The following CNTN3 variants were observed in gnomAD, a reference collection of about 807,000 sequenced individuals.
CNTN3 encodes contactin-3.
In CNTN3, 60 loss-of-function variants were observed where a neutral mutation model predicts 119.1. The observed-to-expected ratio is 0.50, with a 90% CI of 0.41 to 0.62. The LOEUF (loss-of-function observed/expected upper bound fraction) is 0.62. CNTN3 is among the 20% of genes least tolerant of loss of function. The pLI, the probability that CNTN3 is intolerant of heterozygous loss-of-function variation, is 0.00. For synonymous variants in CNTN3, 450 were observed against 438.7 expected, an observed-to-expected ratio of 1.03 and a Z score of -0.32; for missense variants, 1,101 against 1,242.4, an observed-to-expected ratio of 0.89 and a Z score of 1.71.
chr3:74,271,983 T>C (rs1486694041), intron 20 of CNTN3, among the ~76,000 whole-genome samples: 4 of 152,144 alleles, frequency 2.6e-5, no homozygotes, highest in African/African-American at 4.8e-5. Flanking sequence ...TGATTTTTGG[T>C]TTTCGACGTC....
chr3:74,333,219 C>T (rs1703308198), intron 13 of CNTN3, among the ~76,000 whole-genome samples: 1 of 152,220 alleles, frequency 6.6e-6, no homozygotes, highest in Admixed American at 6.5e-5. Flanking sequence ...ATCTAAACGT[C>T]TCAATTTCTC....
intron 5 of CNTN3, among the ~76,000 whole-genome samples, chr3:74,396,617 G>A (rs1017386637): frequency 4.6e-5 from 7 of 151,962 alleles, no homozygotes; most frequent in African/African-American, 1.7e-4. Flanking sequence ...GTCATGGTGG[G>A]CACCTGTAGT....
chr3:74,545,364 A>G (rs1033476151), intron 1 of CNTN3, among the ~76,000 whole-genome samples: 4 of 152,118 alleles, frequency 2.6e-5, no homozygotes. Context: ...ATCCTCCTCA[A>G]TCGTTAAGAC....
intron 11 of CNTN3, 149 bp from the exon 12 acceptor site, chr3:74,336,807 A>G (rs1703406276): frequency 3.6e-6 from 2 of 558,744 alleles, no homozygotes; most frequent in Non-Finnish European, 6.0e-6. Flanking sequence ...TACAAAAAAA[A>G]AAAAAGAAAA....
intron 1 of CNTN3, among the ~76,000 whole-genome samples, chr3:74,542,050 T>C (rs1041579154): frequency 2.6e-5 from 4 of 152,010 alleles, no homozygotes; most frequent in African/African-American, 9.7e-5. Flanking sequence ...CTGGACAACA[T>C]AGCAAGACTC....
intron 1 of CNTN3, among the ~76,000 whole-genome samples, chr3:74,559,237 A>C (rs1249729463): frequency 6.6e-6 from 1 of 152,186 alleles, no homozygotes; most frequent in Non-Finnish European, 1.5e-5. Context: ...TGAGGAAGGC[A>C]GATGAAAAGT....
chr3:74,458,689 A>T (rs1020321533), intron 4 of CNTN3, among the ~76,000 whole-genome samples: 1 of 152,050 alleles, frequency 6.6e-6, no homozygotes, highest in African/African-American at 2.4e-5. Flanking sequence ...AAGGTAAGGG[A>T]TAGGAGAGGT....
chr3:74,488,139 T>C (rs1702893024), intron 3 of CNTN3, among the ~76,000 whole-genome samples: 2 of 151,532 alleles, frequency 1.3e-5, no homozygotes, highest in Admixed American at 6.6e-5. Context: ...TGAGACAGAG[T>C]CTCCCTCTGT....
chr3:74,510,733 G>A (rs1703350021), intron 2 of CNTN3, among the ~76,000 whole-genome samples: 1 of 151,964 alleles, frequency 6.6e-6, no homozygotes, highest in South Asian at 2.1e-4. Flanking sequence ...GTATCTTTTG[G>A]CAAAATATCC....
At chr3:74,480,060 A>C (rs1702735889) in intron 4 of CNTN3, among the ~76,000 whole-genome samples, 2 of 152,144 alleles carry the variant, frequency 1.3e-5, no homozygotes, top group Non-Finnish European at 1.5e-5. Context: ...AGTCATAGTG[A>C]TGTAAACACT....
At chr3:74,551,257 C>A (rs1025097018) in intron 1 of CNTN3, among the ~76,000 whole-genome samples, 2 of 152,176 alleles carry the variant, frequency 1.3e-5, no homozygotes, top group African/African-American at 4.8e-5. Flanking sequence ...ATCTTAAATA[C>A]ACTCCACGAC....
intron 1 of CNTN3, among the ~76,000 whole-genome samples, chr3:74,565,639 A>G (rs566210263): frequency 1.6e-4 from 25 of 152,122 alleles, no homozygotes; most frequent in Non-Finnish European, 3.4e-4. Flanking sequence ...TTCACTCACA[A>G]CCTCCAACGT....
intron 19 of CNTN3, among the ~76,000 whole-genome samples, chr3:74,285,790 G>GATAGATATATATAT (rs1395730243): frequency 3.5e-5 from 2 of 56,514 alleles, no homozygotes; most frequent in Non-Finnish European, 8.0e-5. Flanking sequence ...ATGAAGGGGA[G>GATAGATATATATAT]ATATATATAT....
At chr3:74,266,397 T>G in intron 22 of CNTN3, 84 bp downstream of exon 22, 1 of 1,321,472 alleles carries the variant, frequency 7.6e-7, no homozygotes, top group Admixed American at 2.0e-5. Flanking sequence ...AAAGAAAGAA[T>G]GGACAGAGGG....
intron 11 of CNTN3, among the ~76,000 whole-genome samples, chr3:74,355,948 G>A (rs1703925190): frequency 6.6e-6 from 1 of 151,910 alleles, no homozygotes; most frequent in South Asian, 2.1e-4. Flanking sequence ...TTAAAATGGA[G>A]GCCCATTGAA....
At chr3:74,384,153 T>C (rs1219859143) in intron 5 of CNTN3, among the ~76,000 whole-genome samples, 1 of 152,262 alleles carries the variant, frequency 6.6e-6, no homozygotes, top group Non-Finnish European at 1.5e-5. Context: ...TTTCTGTTTA[T>C]ATTTTTCAAA....
intron 13 of CNTN3, among the ~76,000 whole-genome samples, chr3:74,305,288 G>C (rs1370234109): frequency 6.6e-6 from 1 of 152,172 alleles, no homozygotes; most frequent in African/African-American, 2.4e-5. Context: ...TGTGGAACTG[G>C]AACTCTTATT....
intron 3 of CNTN3, among the ~76,000 whole-genome samples, chr3:74,492,101 T>C (rs1702975264): frequency 6.6e-6 from 1 of 152,178 alleles, no homozygotes; most frequent in South Asian, 2.1e-4. Context: ...TGTAACACAC[T>C]TGAATGATCC....
At chr3:74,306,993 A>G (rs907771848) in intron 13 of CNTN3, among the ~76,000 whole-genome samples, 1 of 152,204 alleles carries the variant, frequency 6.6e-6, no homozygotes, top group African/African-American at 2.4e-5. Flanking sequence ...GGGGGAATCT[A>G]GAACTTTTTG....
Sources: gnomAD v4.1 joint callset for allele counts (sites outside exome capture counted in the v4.1 genomes callset) on GRCh38, gnomAD v4.1.1 for gene constraint, MANE v1.5 for transcripts, NCBI Gene and HGNC (gene_info 2026-07-23, HGNC 2026-07-21) for gene names.